The following IREB2 variants were observed in gnomAD, a reference collection of about 807,000 sequenced individuals.
IREB2 encodes the protein iron responsive element binding protein 2, also known as iron-responsive element-binding protein 2.
Under a neutral mutation model 118.8 loss-of-function variants are expected in IREB2, and 39 were observed. The ratio of observed to expected loss-of-function variants is 0.33; its 90% CI spans 0.25 to 0.43. The LOEUF is 0.43. Among genes scored for constraint, IREB2 ranks in the 20% least tolerant of loss-of-function variants. The pLI, the probability that IREB2 is intolerant of heterozygous loss-of-function variation, is 1.00. For synonymous variants in IREB2, 372 were observed against 392.2 expected (o/e 0.95, Z 0.61); for missense variants, 900 against 1,147.3 (o/e 0.78, Z 3.11).
intron 9 of IREB2, among the ~76,000 whole-genome samples, chr15:78,477,458 A>G (rs559521751): frequency 1.2e-4 from 18 of 152,306 alleles, no homozygotes; most frequent in African/African-American, 3.8e-4. Context: ...GACTTAGGTA[A>G]GTCTATCAGG....
rs1358076584 is a variant in IREB2, at chr15:78,500,050, A to C, written c.*1907A>C. 6.6e-6 allele frequency: 1 copy of C among 152,248 alleles called. No individual in the cohort carries two copies. The highest frequency in any genetic ancestry group is 2.4e-5 in the African/African-American group (1 of 41,412). The allele number at this position is 152,248 out of a possible 1,614,324, so 9.4% of individuals were successfully genotyped here. A position where few individuals can be genotyped will look rare whatever the true frequency, so the allele number is the denominator to read the frequency against. The stretch of plus-strand genomic sequence containing the variant: ...GTAGTTTTAGTAGAGATGGGGTTTC[A>C]CCATGTTGGCCAGATGATCTGAATC... On this transcript the variant is annotated 3_prime_UTR_variant, in exon 22 of 22. Coordinates refer to ENST00000258886, the MANE Select transcript of IREB2 (RefSeq NM_004136.4).
chr15:78,473,358 G>T lies in IREB2; in HGVS notation c.1000G>T (p.Asp334Tyr). The T allele has an allele frequency of 6.2e-7, 1 of 1,613,876 alleles. No individual in the cohort carries two copies. Among genetic ancestry groups the T allele is most frequent in the Non-Finnish European group, 8.5e-7 (1 of 1,179,774 alleles). The change falls in exon 8 of 22, where the codon GAT (aspartate) becomes TAT (tyrosine). Residue 334 changes from aspartate to tyrosine, a missense_variant. Physicochemically the swap from Asp to Tyr is radical, Grantham distance 160. Transcript: ENST00000258886. ...ATCAAACCCTTTTGTTACATCCATAGATGTTGTTCTTGGTATTACAAAGGT... is the reference window on the plus strand; with the variant it reads ...ATCAAACCCTTTTGTTACATCCATATATGTTGTTCTTGGTATTACAAAGGT... ...GSSNPFVTSI[D>Y]VVLGITKHLR...
At chr15:78,443,409 G>A (rs1434510847) in intron 2 of IREB2, among the ~76,000 whole-genome samples, 3 of 152,174 alleles carry the variant, frequency 2.0e-5, no homozygotes, top group Non-Finnish European at 2.9e-5. Flanking sequence ...ATCTATCTGC[G>A]TTACCAACCT....
At chr15:78,481,338 G>C (rs1385174084) in intron 10 of IREB2, among the ~76,000 whole-genome samples, 3 of 151,742 alleles carry the variant, frequency 2.0e-5, no homozygotes, top group Non-Finnish European at 4.4e-5. Flanking sequence ...GAGTAGCTAG[G>C]ATTACAGACA....
chr15:78,444,296 A>G (rs181428388), intron 2 of IREB2, among the ~76,000 whole-genome samples: 29 of 152,320 alleles, frequency 1.9e-4, no homozygotes, highest in African/African-American at 6.0e-4. Flanking sequence ...GACAGTTAAC[A>G]TCAGAGAATT....
intron 2 of IREB2, among the ~76,000 whole-genome samples, chr15:78,460,474 T>C (rs149646859): frequency 1.4e-3 from 217 of 152,344 alleles, no homozygotes; most frequent in African/African-American, 5.0e-3. Flanking sequence ...TGGTGAATTA[T>C]AGTTATTACT....
At chr15:78,486,790 C>T (rs905056483) in intron 13 of IREB2, among the ~76,000 whole-genome samples, 5 of 152,070 alleles carry the variant, frequency 3.3e-5, no homozygotes, top group Non-Finnish European at 7.4e-5. Context: ...CTACCTCAGC[C>T]TCCTGAGTGG....
intron 20 of IREB2, 108 bp downstream of exon 20, chr15:78,494,372 A>AC: frequency 8.9e-7 from 1 of 1,122,028 alleles, no homozygotes; most frequent in Non-Finnish European, 1.3e-6. Flanking sequence ...AGTTATTTGA[A>AC]CCTTATAGGT....
At chr15:78,462,881 A>G (rs752553869) in intron 2 of IREB2, 41 bp from the exon 3 acceptor site, 11 of 1,451,220 alleles carry the variant, frequency 7.6e-6, no homozygotes, top group Non-Finnish European at 1.0e-5. Flanking sequence ...ATATATAGGT[A>G]TGACTGTTTG....
intron 4 of IREB2, 35 bp downstream of exon 4, chr15:78,465,423 A>T: frequency 6.4e-7 from 1 of 1,570,784 alleles, no homozygotes; most frequent in South Asian, 1.2e-5. Context: ...ACAGCCATGC[A>T]AGTTAATTGG....
chr15:78,445,493 A>T (rs2050914949), intron 2 of IREB2, among the ~76,000 whole-genome samples: 1 of 152,224 alleles, frequency 6.6e-6, no homozygotes, highest in Non-Finnish European at 1.5e-5. Flanking sequence ...CAAGTAAAAA[A>T]TAGGTTGCAG....
intron 2 of IREB2, among the ~76,000 whole-genome samples, chr15:78,442,974 A>G (rs754791468): frequency 2.0e-5 from 3 of 152,158 alleles, no homozygotes; most frequent in Non-Finnish European, 4.4e-5. Context: ...GGCCACTCTT[A>G]GCTTCAAGAA....
intron 9 of IREB2, 47 bp downstream of exon 9, chr15:78,476,406 G>A: frequency 7.6e-7 from 1 of 1,314,144 alleles, no homozygotes; most frequent in Non-Finnish European, 1.0e-6. Flanking sequence ...CATTTCCAAT[G>A]TGTTTGATAA....
chr15:78,496,475 C>T (rs750283194), intron 20 of IREB2, among the ~76,000 whole-genome samples: 1 of 152,172 alleles, frequency 6.6e-6, no homozygotes, highest in African/African-American at 2.4e-5. Flanking sequence ...ACCATGTTGG[C>T]CAGGCTGGTC....
chr15:78,440,032 G>A (rs987624447), intron 2 of IREB2, 151 bp downstream of exon 2: 2 of 558,908 alleles, frequency 3.6e-6, no homozygotes, highest in Admixed American at 3.9e-5. Flanking sequence ...AACTCCTCCT[G>A]GGACAACTTC....
intron 2 of IREB2, among the ~76,000 whole-genome samples, chr15:78,455,226 A>G (rs2869048): frequency 0.15 from 23,081 of 152,150 alleles, 1,785 homozygotes; most frequent in Non-Finnish European, 0.16. Context: ...GAGTAAGGAG[A>G]AAGTCCCCAC....
At chr15:78,496,206 A>G (rs775236691) in intron 20 of IREB2, among the ~76,000 whole-genome samples, 57 of 152,202 alleles carry the variant, frequency 3.7e-4, no homozygotes, top group Non-Finnish European at 7.1e-4. Context: ...AAATATTCAT[A>G]GAATTCTCTC....
chr15:78,438,219 C>G lies in IREB2; in HGVS notation c.-119C>G. ...GCTGCTCTCGCGATATTTGCGCGAG[C>G]CTGCTTCCTTCTTTCCTCCCTTGCC... On this transcript the variant is annotated 5_prime_UTR_variant, in exon 1 of 22. Coordinates refer to ENST00000258886, the MANE Select transcript of IREB2 (RefSeq NM_004136.4). 1 of 792,944 alleles carries G rather than the reference C, an allele frequency of 1.3e-6. No homozygotes were observed. The highest frequency in any genetic ancestry group is 2.2e-6 in the Non-Finnish European group (1 of 461,598). The allele number at this position is 792,944 out of a possible 1,614,324, so 49.1% of individuals were successfully genotyped here.
chr15:78,450,701 G>T (rs2051009049), intron 2 of IREB2, among the ~76,000 whole-genome samples: 1 of 152,184 alleles, frequency 6.6e-6, no homozygotes, highest in Non-Finnish European at 1.5e-5. Flanking sequence ...TGTCAGAGCA[G>T]CAGGCCTTCT....
Sources: allele counts gnomAD v4.1 joint callset (sites outside exome capture counted in the v4.1 genomes callset), GRCh38; gene constraint gnomAD v4.1.1; transcripts MANE v1.5; gene names NCBI Gene and HGNC (gene_info 2026-07-23, HGNC 2026-07-21).